The following HYAL4 variants were observed in gnomAD, a reference collection of about 807,000 sequenced individuals.
The protein encoded by HYAL4 is hyaluronidase 4, also known as hyaluronidase-4.
Under a neutral mutation model 35.2 loss-of-function variants are expected in HYAL4, and 37 were observed. The ratio of observed to expected loss-of-function variants is 1.05; its 90% CI spans 0.81 to 1.38. The LOEUF (loss-of-function observed/expected upper bound fraction) is 1.38. Ranked by LOEUF, HYAL4 falls within the 40% of genes most tolerant of loss-of-function variation. The pLI, the probability that HYAL4 is intolerant of heterozygous loss-of-function variation, is 0.00. For synonymous variants in HYAL4, 198 were observed against 203.2 expected (o/e 0.97, Z 0.22); for missense variants, 572 against 572.4 (o/e 1.00, Z 0.01).
At chr7:123,858,767 A>G (rs559068202) in intron 2 of HYAL4, among the ~76,000 whole-genome samples, 3 of 152,318 alleles carry the variant, frequency 2.0e-5, no homozygotes, top group African/African-American at 7.2e-5. Flanking sequence ...TGGGAAGGCA[A>G]GTTAAAACAA....
At chr7:123,828,427 T>TACACACACACACACACACACAC (rs34327472), upstream of HYAL4, among the ~76,000 whole-genome samples, 4 of 141,304 alleles carry the variant, frequency 2.8e-5, no homozygotes, top group African/African-American at 1.0e-4. Context: ...TGTTCATAAT[T>TACACACACACACACACACACAC]ACACACACAC....
chr7:123,767,496 A>C, the HYAL4 span, among the ~76,000 whole-genome samples: 1 of 152,332 alleles, frequency 6.6e-6, no homozygotes, highest in Admixed American at 6.5e-5. Context: ...GACAGACTCC[A>C]TGTGCTGGCT....
chr7:123,817,237 C>T, the HYAL4 span, among the ~76,000 whole-genome samples: 17 of 152,222 alleles, frequency 1.1e-4, no homozygotes, highest in South Asian at 2.1e-4. Context: ...ATAACATCCT[C>T]GGTTTCTTAT....
chr7:123,831,152 A>G (rs1255776812), intron 1 of HYAL4, among the ~76,000 whole-genome samples: 1 of 152,182 alleles, frequency 6.6e-6, no homozygotes, highest in African/African-American at 2.4e-5. Flanking sequence ...TGTGGTACTG[A>G]GTTCTTGCTC....
the HYAL4 span, among the ~76,000 whole-genome samples, chr7:123,811,995 C>T: frequency 6.6e-5 from 10 of 152,018 alleles, no homozygotes; most frequent in Non-Finnish European, 1.3e-4. Flanking sequence ...GTGCACACCA[C>T]CACACGTGGC....
At chr7:123,871,602 C>G (rs927455249) in intron 3 of HYAL4, among the ~76,000 whole-genome samples, 1 of 152,194 alleles carries the variant, frequency 6.6e-6, no homozygotes, top group Admixed American at 6.5e-5. Flanking sequence ...AGAATGCACA[C>G]ACACATACAG....
chr7:123,854,379 A>G (rs1806381545), intron 2 of HYAL4, among the ~76,000 whole-genome samples: 1 of 152,194 alleles, frequency 6.6e-6, no homozygotes, highest in African/African-American at 2.4e-5. Context: ...ATTTCCCTCT[A>G]AACACTGCTT....
At chr7:123,860,593 A>G (rs1806556903) in intron 2 of HYAL4, among the ~76,000 whole-genome samples, 1 of 152,216 alleles carries the variant, frequency 6.6e-6, no homozygotes, top group African/African-American at 2.4e-5. Flanking sequence ...ATAGGTGCAT[A>G]GCATTCCACT....
intron 2 of HYAL4, among the ~76,000 whole-genome samples, chr7:123,858,807 T>G (rs988260186): frequency 6.6e-6 from 1 of 152,180 alleles, no homozygotes; most frequent in Non-Finnish European, 1.5e-5. Context: ...GGAAAAATAA[T>G]GAAACTTCTT....
chr7:123,816,208 T>A, the HYAL4 span, among the ~76,000 whole-genome samples: 2 of 152,170 alleles, frequency 1.3e-5, no homozygotes, highest in East Asian at 3.9e-4. Context: ...ACTTTGCCTC[T>A]TAATAACTTC....
intron 2 of HYAL4, among the ~76,000 whole-genome samples, chr7:123,856,622 G>A (rs1806443818): frequency 6.6e-6 from 1 of 152,044 alleles, no homozygotes; most frequent in Non-Finnish European, 1.5e-5. Context: ...TATGTCTGCT[G>A]ACCCCTGCTG....
intron 1 of HYAL4, among the ~76,000 whole-genome samples, chr7:123,833,233 T>C (rs896912956): frequency 6.6e-6 from 1 of 152,190 alleles, no homozygotes; most frequent in South Asian, 2.1e-4. Context: ...TACACCCACA[T>C]GGACATCTAT....
the HYAL4 span, among the ~76,000 whole-genome samples, chr7:123,809,291 C>T: frequency 2.0e-5 from 3 of 152,024 alleles, no homozygotes; most frequent in African/African-American, 7.2e-5. Flanking sequence ...CTCTGAGTTT[C>T]TCTGTATTTT....
At chr7:123,824,766 C>T (rs1474857874), upstream of HYAL4, among the ~76,000 whole-genome samples, 1 of 152,144 alleles carries the variant, frequency 6.6e-6, no homozygotes, top group Admixed American at 6.6e-5. Flanking sequence ...TGAAAATACT[C>T]CTGTACCCTT....
At chr7:123,768,788 G>A in the HYAL4 span, among the ~76,000 whole-genome samples, 12,859 of 152,220 alleles carry the variant, frequency 0.084, 579 homozygotes, top group East Asian at 0.11. Flanking sequence ...TTGGAGCCAA[G>A]AAAAGGAGCT....
At chr7:123,812,951 T>A in the HYAL4 span, among the ~76,000 whole-genome samples, 1 of 152,266 alleles carries the variant, frequency 6.6e-6, no homozygotes, top group Non-Finnish European at 1.5e-5. Flanking sequence ...ATTGTCTCAA[T>A]AATATCCAAT....
the HYAL4 span, among the ~76,000 whole-genome samples, chr7:123,800,330 C>T: frequency 2.7e-5 from 4 of 149,898 alleles, no homozygotes; most frequent in African/African-American, 7.3e-5. Flanking sequence ...CCACCATGCC[C>T]GGCTAATTTT....
chr7:123,842,939 T>C (rs1240026018), upstream of HYAL4, among the ~76,000 whole-genome samples: 2 of 152,046 alleles, frequency 1.3e-5, no homozygotes, highest in African/African-American at 4.8e-5. Context: ...TGATGGGTCT[T>C]GACTATTTAT....
rs773851801 is a variant in HYAL4 at position 123,876,758 on chromosome 7, A to G, written c.1049A>G (p.Asn350Ser). 3.1e-6 allele frequency: 5 copies of G among 1,607,244 alleles called. No homozygotes were observed. The highest frequency in any genetic ancestry group is 3.4e-6 in the Non-Finnish European group (4 of 1,174,646). ...GDMNLTASKA[N>S]CTKVKQFVSS... ...GATTTCTTCCTACATTTCTAGGCCA[A>G]CTGTACAAAGGTGAAGCAGTTTGTG... Residue 350 changes from asparagine (N) to serine (S), a missense_variant, in exon 5 of 5, where the codon AAC (asparagine) becomes AGC (serine). Asn to Ser is a conservative substitution (Grantham distance 46). Transcript: ENST00000223026.
Sources: allele counts gnomAD v4.1 joint callset (sites outside exome capture counted in the v4.1 genomes callset), GRCh38; gene constraint gnomAD v4.1.1; transcripts MANE v1.5; gene names NCBI Gene and HGNC (gene_info 2026-07-23, HGNC 2026-07-21).